Variants in ODAD4 observed in about 807,000 individuals in gnomAD.
The protein encoded by ODAD4 is outer dynein arm docking complex subunit 4.
ODAD4 carries 49 observed loss-of-function variants against 51.8 expected under a neutral mutation model. The observed-to-expected ratio is 0.95, with a 90% CI of 0.75 to 1.20. The LOEUF (loss-of-function observed/expected upper bound fraction) is 1.20. Ranked by LOEUF, ODAD4 falls within the 50% of genes most tolerant of loss-of-function variation. The pLI, the probability that ODAD4 is intolerant of heterozygous loss-of-function variation, is 0.00. For synonymous variants in ODAD4, 235 were observed against 221.3 expected, an observed-to-expected ratio of 1.06 and a Z score of -0.55; for missense variants, 590 against 586.5, an observed-to-expected ratio of 1.01 and a Z score of -0.06.
intron 8 of ODAD4, 118 bp downstream of exon 8, chr17:41,945,340 C>CA: frequency 1.3e-5 from 7 of 531,062 alleles, no homozygotes; most frequent in South Asian, 5.9e-5. Flanking sequence ...GACTCCCTCT[C>CA]TACAAAAAAA....
chr17:41,960,738 G>A (rs1555641588), intron 10 of ODAD4, among the ~76,000 whole-genome samples: 1 of 152,208 alleles, frequency 6.6e-6, no homozygotes, highest in African/African-American at 2.4e-5. Context: ...CAGTGGGAGG[G>A]AGGTGGGGGG....
At chr17:41,961,851 A>T (rs551104704) in intron 11 of ODAD4, among the ~76,000 whole-genome samples, 28 of 152,294 alleles carry the variant, frequency 1.8e-4, no homozygotes, top group African/African-American at 6.7e-4. Flanking sequence ...GGGATCCTGC[A>T]CACAGGTGCT....
rs1555636620 is a variant in ODAD4 at position 41,930,769 on chromosome 17, T to C, written c.46T>C (p.Tyr16His). The change falls in exon 1 of 12, where the codon TAT becomes CAT. Residue 16 changes from tyrosine to histidine, a missense_variant. This residue lies in a region of ODAD4 where 360 missense variants were observed against 407.5 expected (regional missense o/e 0.88). Coordinates refer to ENST00000377540, the MANE Select transcript of ODAD4 (RefSeq NM_031421.5). ...GETLRSTFPS[Y>H]MAEGERLYLC... ...GACCTTGCGAAGCACCTTTCCCTCTTATATGGCCGAAGGCGAGCGGCTCTA... is the reference window on the plus strand; with the variant it reads ...GACCTTGCGAAGCACCTTTCCCTCTCATATGGCCGAAGGCGAGCGGCTCTA... 3.7e-6 allele frequency: 6 copies of C among 1,610,880 alleles called. No individual in the cohort carries two copies. The African/African-American group carries it at 8.0e-5, about 22-fold the overall frequency.
At position 41,965,444 on chromosome 17, in the gene ODAD4, GA is replaced by G; in HGVS notation, c.1987del (p.Thr663GlnfsTer60). 1 of 766,390 alleles carries G rather than the reference GA, an allele frequency of 1.3e-6. No homozygotes were observed. The allele number at this position is 766,390 out of a possible 1,614,324, so 47.5% of individuals were successfully genotyped here. On this transcript the variant is annotated frameshift_variant, in exon 12 of 12. Transcript: ENST00000377540. LOFTEE classifies it low-confidence loss of function (END_TRUNC). ...CACAATTTGGAGAAATAGGAGAAAC[GA>G]AAAAAACAGGAAATGAGATGGAAAA... ...KTQFGEIGET[K>X]KTGNEMEKEY...
intron 10 of ODAD4, 22 bp from the exon 11 acceptor site, chr17:41,961,359 TA>T: frequency 1.4e-6 from 1 of 731,844 alleles, no homozygotes; most frequent in Non-Finnish European, 2.5e-6. Context: ...ACACAGGGGC[TA>T]AGCTCCCTCT....
chr17:41,943,353 T>C (rs1188360306), intron 7 of ODAD4, among the ~76,000 whole-genome samples: 1 of 152,168 alleles, frequency 6.6e-6, no homozygotes, highest in Non-Finnish European at 1.5e-5. Context: ...GTCACACGTG[T>C]CCATGTGAAG....
chr17:41,933,612 A>G (rs929505199), intron 1 of ODAD4, among the ~76,000 whole-genome samples: 3 of 152,156 alleles, frequency 2.0e-5, no homozygotes, highest in African/African-American at 7.2e-5. Flanking sequence ...AGATCGTGCC[A>G]TTGCACTCCA....
intron 1 of ODAD4, among the ~76,000 whole-genome samples, chr17:41,932,726 C>CTTTTTTT (rs10712306): frequency 8.9e-6 from 1 of 112,052 alleles, no homozygotes; most frequent in Non-Finnish European, 1.9e-5. Context: ...TTCTTTTCTT[C>CTTTTTTT]TTTTTTTTTT....
intron 7 of ODAD4, 95 bp from the exon 8 acceptor site, chr17:41,945,041 A>G: frequency 1.0e-6 from 1 of 958,578 alleles, no homozygotes; most frequent in Non-Finnish European, 1.6e-6. Flanking sequence ...TGAGTTTCTG[A>G]GGCCAGGGCT....
chr17:41,965,194 A>C lies in ODAD4; in HGVS notation c.1730A>C (p.Asp577Ala). 1 of 773,874 alleles carries C rather than the reference A, an allele frequency of 1.3e-6. No homozygotes were observed. 47.9% of individuals were successfully genotyped at this position (773,874 alleles called of 1,614,324 possible). A position where few individuals can be genotyped will look rare whatever the true frequency, so the allele number is the denominator to read the frequency against. ...GTGGAAGCAGGAAAAGCCAGAAGCGATTTGGGAGCAGTTGCCAAGGGCCTG... is the reference window on the plus strand; with the variant it reads ...GTGGAAGCAGGAAAAGCCAGAAGCGCTTTGGGAGCAGTTGCCAAGGGCCTG... ...QSVEAGKARS[D>A]LGAVAKGLSG... The change falls in exon 12 of 12, where the codon GAT (aspartate) becomes GCT (alanine). Residue 577 changes from aspartate (D) to alanine (A), a missense_variant. By Grantham distance (126) the Asp-to-Ala change is moderately radical (BLOSUM62 -2). Transcript: ENST00000377540.
Position 41,936,841 on chromosome 17 carries a change from C to G in ODAD4, c.539C>G (p.Ser180Trp). 1 of 1,613,954 alleles carries G rather than the reference C, an allele frequency of 6.2e-7. No homozygotes were observed. The highest frequency in any genetic ancestry group is 8.5e-7 in the Non-Finnish European group (1 of 1,179,898). The change falls in exon 5 of 12, where the codon TCG (serine) becomes TGG (tryptophan). Residue 180 changes from serine to tryptophan, a missense_variant. Coordinates refer to ENST00000377540, the MANE Select transcript of ODAD4 (RefSeq NM_031421.5). ...AAGGGAGAGCCCAAGTGGAAGGCCT[C>G]GCTCAAGAGTGAGAAGACTGTCCGC... ...PTKGEPKWKA[S>W]LKSEKTVRQL...
At chr17:41,957,528 C>T (rs1022738746) in intron 10 of ODAD4, among the ~76,000 whole-genome samples, 6 of 152,168 alleles carry the variant, frequency 3.9e-5, no homozygotes, top group African/African-American at 4.8e-5. Context: ...TCTAAATTGA[C>T]GTTAGGACTT....
At chr17:41,960,148 G>A (rs1453156439) in intron 10 of ODAD4, among the ~76,000 whole-genome samples, 2 of 152,078 alleles carry the variant, frequency 1.3e-5, no homozygotes, top group African/African-American at 2.4e-5. Context: ...AAATGTGTGC[G>A]GCCATTGTCC....
At chr17:41,963,848 C>A (rs1454441988) in intron 11 of ODAD4, among the ~76,000 whole-genome samples, 2 of 150,578 alleles carry the variant, frequency 1.3e-5, no homozygotes, top group Non-Finnish European at 3.0e-5. Flanking sequence ...CTCACTGCAA[C>A]CTCCATCTCA....
intron 9 of ODAD4, chr17:41,952,685 A>G (rs377157823): frequency 3.1e-4 from 161 of 516,716 alleles, no homozygotes; most frequent in African/African-American, 3.0e-3. Context: ...CTGCGACTCC[A>G]CATATTTTCA....
At position 41,938,611 on chromosome 17, in the gene ODAD4, C is replaced by T. The variant is rs200498473; in HGVS notation, c.680C>T (p.Thr227Met). ...CTGACTGTGGAGGACCTCATCATGA[C>T]GGGCATCAACTACCTGGATACTCAC... Reference protein sequence around the residue: ...GGLTVEDLIMTGINYLDTHSN... With the variant: ...GGLTVEDLIMMGINYLDTHSN... Residue 227 changes from threonine (T) to methionine (M), a missense_variant, in exon 6 of 12, where the codon ACG becomes ATG. This residue lies in a region of ODAD4 where 360 missense variants were observed against 407.5 expected (regional missense o/e 0.88). Coordinates refer to ENST00000377540, the MANE Select transcript of ODAD4 (RefSeq NM_031421.5). 1.9e-4 allele frequency: 314 copies of T among 1,613,886 alleles called. No individual in the cohort carries two copies. In the African/African-American group the frequency reaches 2.2e-3, roughly 11 times the overall value.
chr17:41,962,059 GAAT>G (rs1341475202), intron 11 of ODAD4, among the ~76,000 whole-genome samples: 2 of 152,230 alleles, frequency 1.3e-5, no homozygotes, highest in African/African-American at 4.8e-5. Context: ...CACAGAGACA[GAAT>G]AACAGTAGCT....
At chr17:41,948,189 A>G (rs2050611388) in intron 8 of ODAD4, among the ~76,000 whole-genome samples, 1 of 152,056 alleles carries the variant, frequency 6.6e-6, no homozygotes, top group Non-Finnish European at 1.5e-5. Context: ...AGAGAAAAGT[A>G]TTCAGTCTCA....
intron 9 of ODAD4, among the ~76,000 whole-genome samples, chr17:41,952,098 G>A (rs1286484148): frequency 1.3e-5 from 2 of 151,888 alleles, no homozygotes; most frequent in African/African-American, 2.4e-5. Context: ...GCGGGGCACA[G>A]TGGCCCATGC....
Sources: allele counts gnomAD v4.1 joint callset (sites outside exome capture counted in the v4.1 genomes callset), GRCh38; gene constraint gnomAD v4.1.1; regional missense constraint gnomAD v4.1.1; transcripts MANE v1.5; gene names NCBI Gene and HGNC (gene_info 2026-07-23, HGNC 2026-07-21).